ABCC4: variants seen among roughly 807,000 people sequenced by gnomAD.
ABCC4 encodes ATP-binding cassette sub-family C member 4.
ABCC4 carries 102 observed loss-of-function variants against 168.5 expected under a neutral mutation model. That is an observed-to-expected ratio of 0.61 (90% CI 0.52 to 0.71). The LOEUF (loss-of-function observed/expected upper bound fraction) is 0.71. Ranked by LOEUF, ABCC4 falls within the 30% of genes least tolerant of loss-of-function variation. The pLI is 0.00. For synonymous variants in ABCC4, 617 were observed against 590.7 expected, an observed-to-expected ratio of 1.04 and a Z score of -0.65; for missense variants, 1,402 against 1,605.8, an observed-to-expected ratio of 0.87 and a Z score of 2.17.
chr13:95,202,440 T>C (rs910105457), intron 8 of ABCC4, among the ~76,000 whole-genome samples: 22 of 152,172 alleles, frequency 1.4e-4, no homozygotes, highest in African/African-American at 5.3e-4. Context: ...AAATAGGAAA[T>C]GACCTCCAGA....
intron 26 of ABCC4, among the ~76,000 whole-genome samples, chr13:95,059,434 G>A (rs2033201529): frequency 6.6e-6 from 1 of 152,204 alleles, no homozygotes; most frequent in Non-Finnish European, 1.5e-5. Context: ...CTGGATCTAA[G>A]AGGGACAAGC....
intron 1 of ABCC4, among the ~76,000 whole-genome samples, chr13:95,279,397 G>A (rs2041056645): frequency 6.6e-6 from 1 of 152,190 alleles, no homozygotes; most frequent in African/African-American, 2.4e-5. Context: ...TCTTCAGCTG[G>A]AGACAAAGAA....
Position 95,053,058 on chromosome 13 carries a change from G to T in ABCC4, c.3456+37C>A, listed in dbSNP as rs867282145. On this transcript the variant is annotated intron_variant, in intron 27 of 30. Coordinates refer to ENST00000645237, the MANE Select transcript of ABCC4 (RefSeq NM_005845.5). Reference sequence around the variant, plus strand: ...TAAAGGTACATATACACATACTGAGGCTAACAGACTAAAGATAATTACATT... The same window carrying T: ...TAAAGGTACATATACACATACTGAGTCTAACAGACTAAAGATAATTACATT... The T allele has an allele frequency of 2.6e-6, 4 of 1,551,720 alleles. No individual in the cohort carries two copies. The South Asian group carries it at 3.3e-5, about 13-fold the overall frequency.
In ABCC4 at chr13:95,021,435, T is replaced by C; in HGVS notation, c.*140A>G. The stretch of plus-strand genomic sequence containing the variant: ...TTAGAGCTGGAGATCCTTGGATAAG[T>C]TGGGAGAAATATTCAAATGAACTAG... On this transcript the variant is annotated 3_prime_UTR_variant, in exon 31 of 31. Coordinates refer to ENST00000645237, the MANE Select transcript of ABCC4 (RefSeq NM_005845.5). The C allele has an allele frequency of 1.8e-6, 1 of 562,522 alleles. No homozygotes were observed. Among genetic ancestry groups the C allele is most frequent in the South Asian group, 2.8e-5 (1 of 36,110 alleles). The allele number at this position is 562,522 out of a possible 1,614,324, so 34.8% of individuals were successfully genotyped here.
At chr13:95,279,805 T>C (rs972086339) in intron 1 of ABCC4, among the ~76,000 whole-genome samples, 10 of 151,934 alleles carry the variant, frequency 6.6e-5, no homozygotes, top group African/African-American at 2.4e-4. Flanking sequence ...GATGGGGAAG[T>C]GGGGTTCGCC....
chr13:95,027,236 G>T (rs1222255166), intron 30 of ABCC4, among the ~76,000 whole-genome samples: 1 of 151,944 alleles, frequency 6.6e-6, no homozygotes, highest in Non-Finnish European at 1.5e-5. Context: ...CTTTGAGATG[G>T]TATAGAGCAT....
chr13:95,038,656 T>C (rs1383814473), intron 29 of ABCC4, among the ~76,000 whole-genome samples: 12 of 152,198 alleles, frequency 7.9e-5, no homozygotes, highest in Non-Finnish European at 1.5e-5. Context: ...GGCAGGGTTA[T>C]GTGCTTGCTC....
intron 19 of ABCC4, among the ~76,000 whole-genome samples, chr13:95,157,499 GAGGA>G (rs74573868): frequency 0.075 from 11,245 of 149,228 alleles, 549 homozygotes; most frequent in South Asian, 0.14. Flanking sequence ...AAGGAAGAAA[GAGGA>G]AGGAAGGAAG....
At chr13:95,096,091 C>A in intron 20 of ABCC4, 1 of 523,426 alleles carries the variant, frequency 1.9e-6, no homozygotes, top group South Asian at 2.9e-5. Context: ...GCCTATAATC[C>A]CAGCACTGAG....
chr13:95,217,077 T>C (rs1381579010), intron 4 of ABCC4, among the ~76,000 whole-genome samples: 1 of 152,192 alleles, frequency 6.6e-6, no homozygotes, highest in Non-Finnish European at 1.5e-5. Flanking sequence ...GTAAACACCA[T>C]CAGAGCAGGG....
Position 95,054,021 on chromosome 13 carries a change from C to CTTTTTT in ABCC4, c.3367-843_3367-838dup, listed in dbSNP as rs55980425. ...CTCTCCAATGTCAGAATGGGACATCCTTTTTTTTTTTTTTTTTTTTTTTTT... is the reference window on the plus strand; with the variant it reads ...CTCTCCAATGTCAGAATGGGACATCCTTTTTTTTTTTTTTTTTTTTTTTTTTTTTTT... On this transcript the variant is annotated intron_variant, in intron 26 of 30. Transcript: ENST00000645237. The CTTTTTT allele has an allele frequency of 1.6e-3, 116 of 71,624 alleles. 14 individuals carry two copies. The highest frequency in any genetic ancestry group is 7.5e-3 in the African/African-American group (103 of 13,770). The allele number at this position is 71,624 out of a possible 1,614,324, so 4.4% of individuals were successfully genotyped here.
At chr13:95,111,297 C>T (rs189087715) in intron 20 of ABCC4, among the ~76,000 whole-genome samples, 11 of 152,316 alleles carry the variant, frequency 7.2e-5, no homozygotes, top group African/African-American at 2.6e-4. Context: ...ACAAGAAAAA[C>T]ATGTTTGAAC....
Position 95,206,761 on chromosome 13 carries a change from A to G in ABCC4, c.932T>C (p.Leu311Pro), listed in dbSNP as rs2139674808. 1 of 1,614,126 alleles carries G rather than the reference A, an allele frequency of 6.2e-7. No individual in the cohort carries two copies. Among genetic ancestry groups the G allele is most frequent in the South Asian group, 1.1e-5 (1 of 91,076 alleles). The part of the protein sequence containing the change: ...NLRKKEISKI[L>P]RSSCLRGMNL... ...CATCCCTCTGAGGCAGGAACTTCTC[A>G]GAATCTTGGAAATCTCCTTCCTGAA... Residue 311 changes from leucine (L) to proline (P), a missense_variant, in exon 8 of 31, where the codon CTG becomes CCG. Physicochemically the swap from Leu to Pro is moderately conservative, Grantham distance 98. Coordinates refer to ENST00000645237, the MANE Select transcript of ABCC4 (RefSeq NM_005845.5).
intron 15 of ABCC4, among the ~76,000 whole-genome samples, 187 bp downstream of exon 15, chr13:95,165,971 G>C (rs577178108): frequency 6.6e-6 from 1 of 152,248 alleles, no homozygotes; most frequent in East Asian, 1.9e-4. Context: ...ACATACAAAG[G>C]ATAACTCCAA....
At chr13:95,182,962 T>C (rs956440396) in intron 11 of ABCC4, among the ~76,000 whole-genome samples, 1 of 152,194 alleles carries the variant, frequency 6.6e-6, no homozygotes, top group East Asian at 1.9e-4. Context: ...ATCTCAAATA[T>C]ATTTTTAGCT....
intron 9 of ABCC4, among the ~76,000 whole-genome samples, chr13:95,192,738 G>A (rs150635775): frequency 3.8e-4 from 58 of 152,266 alleles, no homozygotes; most frequent in African/African-American, 1.3e-3. Flanking sequence ...GCCAACATGG[G>A]AGAAACCCTG....
At chr13:95,155,966 G>A (rs552390905) in intron 19 of ABCC4, among the ~76,000 whole-genome samples, 18 of 152,288 alleles carry the variant, frequency 1.2e-4, no homozygotes, top group Non-Finnish European at 2.2e-4. Flanking sequence ...CTCTGTTGGC[G>A]TGGAAGAAAA....
At chr13:95,053,614 G>C (rs1220472442) in intron 26 of ABCC4, 2 of 163,764 alleles carry the variant, frequency 1.2e-5, no homozygotes, top group Non-Finnish European at 2.7e-5. Context: ...AAATTATTAA[G>C]CATTTTCCAA....
intron 19 of ABCC4, among the ~76,000 whole-genome samples, chr13:95,152,682 AT>A (rs1285165617): frequency 1.3e-5 from 2 of 152,038 alleles, no homozygotes. Flanking sequence ...AAATATTCTG[AT>A]TTTTTTTCCA....
Sources: allele counts gnomAD v4.1 joint callset (sites outside exome capture counted in the v4.1 genomes callset), GRCh38; gene constraint gnomAD v4.1.1; transcripts MANE v1.5; gene names NCBI Gene and HGNC (gene_info 2026-07-23, HGNC 2026-07-21).